The following CLTCL1 variants were observed in gnomAD, a reference collection of about 807,000 sequenced individuals.
CLTCL1 encodes clathrin heavy chain like 1.
CLTCL1 carries 159 observed loss-of-function variants against 190.0 expected under a neutral mutation model. That is an observed-to-expected ratio of 0.84 (90% CI 0.74 to 0.95). The LOEUF is 0.95. Among genes scored for constraint, CLTCL1 ranks in the 40% least tolerant of loss-of-function variants. The pLI, the probability that CLTCL1 is intolerant of heterozygous loss-of-function variation, is 0.00. For missense variants in CLTCL1, 1,878 were observed against 2,033.4 expected (o/e 0.92, Z 1.47); for synonymous variants, 752 against 769.6 (o/e 0.98, Z 0.38).
At chr22:19,278,891 A>G (rs1203262481) in intron 1 of CLTCL1, among the ~76,000 whole-genome samples, 1 of 151,942 alleles carries the variant, frequency 6.6e-6, no homozygotes, top group East Asian at 1.9e-4. Flanking sequence ...ACAGGCACTC[A>G]CCACCACGCC....
At chr22:19,211,514 A>G (rs1555946709) in intron 19 of CLTCL1, among the ~76,000 whole-genome samples, 1 of 152,166 alleles carries the variant, frequency 6.6e-6, no homozygotes, top group Non-Finnish European at 1.5e-5. Flanking sequence ...CACGCCTGTA[A>G]TCCCAGCACT....
At chr22:19,285,517 T>C (rs2087876501) in intron 1 of CLTCL1, among the ~76,000 whole-genome samples, 1 of 152,224 alleles carries the variant, frequency 6.6e-6, no homozygotes, top group Non-Finnish European at 1.5e-5. Context: ...CAAGACTCTA[T>C]ATTTATCCCA....
chr22:19,291,688 A>C lies in CLTCL1; in HGVS notation c.-47T>G. On this transcript the variant is annotated 5_prime_UTR_variant, in exon 1 of 33. Transcript: ENST00000427926. ...GCGGCGGCGGCAGCGGCAGGAATGA[A>C]CGCCGACCCCTCGCGCGGGCTGACC... The C allele has an allele frequency of 7.5e-7, 1 of 1,330,756 alleles. No homozygotes were observed. The highest frequency in any genetic ancestry group is 2.0e-5 in the South Asian group (1 of 50,978). 82.4% of individuals were successfully genotyped at this position (1,330,756 alleles called of 1,614,324 possible).
chr22:19,273,046 A>AC (rs201258224), intron 2 of CLTCL1, among the ~76,000 whole-genome samples: 123 of 151,990 alleles, frequency 8.1e-4, no homozygotes, highest in African/African-American at 2.8e-3. Context: ...AAGGTGCAGC[A>AC]CCCCCCCACA....
chr22:19,221,179 C>A (rs554608566), intron 17 of CLTCL1, among the ~76,000 whole-genome samples, 198 bp downstream of exon 17: 51 of 152,302 alleles, frequency 3.3e-4, no homozygotes, highest in Admixed American at 1.0e-3. Flanking sequence ...AGGTTCAGGA[C>A]CAACTGGTCT....
chr22:19,289,542 T>G (rs1278000169), intron 1 of CLTCL1, among the ~76,000 whole-genome samples: 4 of 152,224 alleles, frequency 2.6e-5, no homozygotes, highest in Non-Finnish European at 5.9e-5. Flanking sequence ...AGCTCTTTCA[T>G]GACATCCAGC....
In CLTCL1 at chr22:19,187,714, A is replaced by G; in HGVS notation, c.4449T>C (p.Ser1483=). The G allele has an allele frequency of 6.2e-7, 1 of 1,613,728 alleles. No homozygotes were observed. Among genetic ancestry groups the G allele is most frequent in the Non-Finnish European group, 8.5e-7 (1 of 1,179,786 alleles). Residue 1483 remains serine, a synonymous_variant, in exon 29 of 33, where the codon TCT becomes TCC. Transcript: ENST00000427926. Reference sequence around the variant, plus strand: ...TGTCAAAGTTGTCATAGGCATCGATAGATGCCCTTAAGCCCTAGGAAGACA... The same window carrying G: ...TGTCAAAGTTGTCATAGGCATCGATGGATGCCCTTAAGCCCTAGGAAGACA... ...EEEDYQGLRA[S]IDAYDNFDNI...
intron 6 of CLTCL1, 127 bp from the exon 7 acceptor site, chr22:19,234,833 G>A (rs2086029631): frequency 1.2e-6 from 1 of 840,046 alleles, no homozygotes; most frequent in African/African-American, 1.7e-5. Flanking sequence ...CACCTGTGAT[G>A]GTGGCCCTCA....
At chr22:19,220,767 G>A (rs2085542431) in intron 17 of CLTCL1, among the ~76,000 whole-genome samples, 1 of 152,212 alleles carries the variant, frequency 6.6e-6, no homozygotes, top group African/African-American at 2.4e-5. Context: ...CCCTATTCAT[G>A]TCTGGATTTT....
intron 32 of CLTCL1, 73 bp downstream of exon 32, chr22:19,180,126 G>T: frequency 7.4e-7 from 1 of 1,343,074 alleles, no homozygotes; most frequent in Non-Finnish European, 1.1e-6. Context: ...GCATCCAGAG[G>T]CAAGGAGCGT....
At chr22:19,284,677 T>C (rs1555989007) in intron 1 of CLTCL1, among the ~76,000 whole-genome samples, 1 of 151,042 alleles carries the variant, frequency 6.6e-6, no homozygotes, top group East Asian at 2.0e-4. Flanking sequence ...ATAAATGGGC[T>C]GGGTGCAGTG....
At chr22:19,290,976 G>C (rs916908311) in intron 1 of CLTCL1, among the ~76,000 whole-genome samples, 1 of 152,192 alleles carries the variant, frequency 6.6e-6, no homozygotes, top group Non-Finnish European at 1.5e-5. Flanking sequence ...CGAGCGGCCC[G>C]CACGACGCCC....
chr22:19,221,824 T>G, intron 16 of CLTCL1, 127 bp downstream of exon 16: 2 of 1,106,784 alleles, frequency 1.8e-6, no homozygotes, highest in East Asian at 2.5e-5. Context: ...AGCAAGTAAC[T>G]CATTGCTACA....
At chr22:19,223,106 AC>A (rs1284896606) in intron 14 of CLTCL1, among the ~76,000 whole-genome samples, 1 of 152,174 alleles carries the variant, frequency 6.6e-6, no homozygotes, top group African/African-American at 2.4e-5. Flanking sequence ...CCCAACAGAA[AC>A]CAGGCCATTC....
intron 1 of CLTCL1, 89 bp downstream of exon 1, chr22:19,291,511 G>T: frequency 1.7e-6 from 2 of 1,182,070 alleles, no homozygotes; most frequent in Non-Finnish European, 2.2e-6. Context: ...CAGCGGCTCA[G>T]CGGGGCTGGG....
At position 19,218,141 on chromosome 22, in the gene CLTCL1, T is replaced by C. The variant is rs190943960; in HGVS notation, c.2919+1744A>G. Among the ~76,000 whole-genome samples the C allele has an allele frequency of 1.9e-3, 291 of 152,194 alleles. 1 individual carries two copies. Among genetic ancestry groups the C allele is most frequent in the Admixed American group, 5.6e-3 (85 of 15,284 alleles). On this transcript the variant is annotated intron_variant, in intron 18 of 32. Coordinates refer to ENST00000427926, the MANE Select transcript of CLTCL1 (RefSeq NM_007098.4). ...AGATATCCAATTACAGCAGAGATAA[T>C]GAAAGACCAGCAGCTCTACCCAGAA...
chr22:19,226,113 G>A (rs1473861102), intron 12 of CLTCL1, 106 bp downstream of exon 12: 3 of 1,298,502 alleles, frequency 2.3e-6, no homozygotes, highest in African/African-American at 3.0e-5. Context: ...GCAGTGACAG[G>A]CTCAGGCCAC....
chr22:19,243,693 CTTTCTTTTTTTT>C (rs2145968636), intron 3 of CLTCL1, among the ~76,000 whole-genome samples: 1 of 103,752 alleles, frequency 9.6e-6, no homozygotes, highest in East Asian at 2.7e-4. Context: ...TTCTTTCTTT[CTTTCTTTTTTTT>C]TTTTTTTTTT....
At chr22:19,232,683 C>T in intron 9 of CLTCL1, 85 bp from the exon 10 acceptor site, 2 of 1,495,338 alleles carry the variant, frequency 1.3e-6, no homozygotes, top group Non-Finnish European at 1.8e-6. Context: ...TTGTTTTAAA[C>T]TCGTGTTAAC....
Sources: gnomAD v4.1 joint callset for allele counts (sites outside exome capture counted in the v4.1 genomes callset) on GRCh38, gnomAD v4.1.1 for gene constraint, MANE v1.5 for transcripts, NCBI Gene and HGNC (gene_info 2026-07-23, HGNC 2026-07-21) for gene names.